The following ALDH5A1 variants were observed in gnomAD, a reference collection of about 807,000 sequenced individuals.
ALDH5A1 encodes the protein aldehyde dehydrogenase 5 family member A1, also known as succinate-semialdehyde dehydrogenase, mitochondrial.
In ALDH5A1, 33 loss-of-function variants were observed where a neutral mutation model predicts 54.7. The ratio of observed to expected loss-of-function variants is 0.60; its 90% CI spans 0.46 to 0.81. The LOEUF (loss-of-function observed/expected upper bound fraction) is 0.81. Among genes scored for constraint, ALDH5A1 ranks in the 30% least tolerant of loss-of-function variants. ALDH5A1 has a pLI of 0.00. For synonymous variants in ALDH5A1, 294 were observed against 292.7 expected, an observed-to-expected ratio of 1.00 and a Z score of -0.05; for missense variants, 657 against 711.0, an observed-to-expected ratio of 0.92 and a Z score of 0.86.
At position 24,526,826 on chromosome 6, in the gene ALDH5A1, A is replaced by AAT. The variant is rs1183234216; in HGVS notation, c.1174-1160_1174-1159dup. Among the ~76,000 whole-genome samples, 67 of 127,752 alleles carry AAT rather than the reference A, an allele frequency of 5.2e-4. 1 individual carries two copies. The highest frequency in any genetic ancestry group is 8.5e-3 in the Middle Eastern group (2 of 236). 83.8% of individuals were successfully genotyped at this position (127,752 alleles called of 152,430 possible). A position where few individuals can be genotyped will look rare whatever the true frequency, so the allele number is the denominator to read the frequency against. Reference sequence around the variant, plus strand: ...TACCAAGTAGGATGAATGAAAAGGGAATATATATATATCTTCTCTATATAT... The same window carrying AAT: ...TACCAAGTAGGATGAATGAAAAGGGAATATATATATATATCTTCTCTATATAT... On this transcript the variant is annotated intron_variant, in intron 7 of 9. Coordinates refer to ENST00000357578, the MANE Select transcript of ALDH5A1 (RefSeq NM_001080.3).
At chr6:24,515,460 C>T (rs12199485) in intron 5 of ALDH5A1, 150 bp downstream of exon 5, 12 of 946,532 alleles carry the variant, frequency 1.3e-5, no homozygotes, top group Non-Finnish European at 1.9e-5. Flanking sequence ...CACGGCGGCT[C>T]ATGCCTGTAA....
Position 24,533,277 on chromosome 6 carries a change from G to C in ALDH5A1, c.1403-230G>C, listed in dbSNP as rs2744601. On this transcript the variant is annotated intron_variant, in intron 9 of 9. Transcript: ENST00000357578. ...AGGTGGATTGAATAGTAGAAAACAG[G>C]AAGAGGGTCTCGATAGGAGATAGTG... 0.13 allele frequency among the ~76,000 whole-genome samples: 19,576 copies of C among 152,142 alleles called. 1,379 individuals are homozygous for C. Among genetic ancestry groups the C allele is most frequent in the Non-Finnish European group, 0.16 (10,709 of 67,980 alleles).
chr6:24,532,559 A>AG (rs1644374319), intron 9 of ALDH5A1, among the ~76,000 whole-genome samples: 1 of 152,222 alleles, frequency 6.6e-6, no homozygotes, highest in South Asian at 2.1e-4. Flanking sequence ...GAAGGGCATC[A>AG]GCAAGGAGTG....
chr6:24,519,063 T>C (rs921145374), intron 5 of ALDH5A1, among the ~76,000 whole-genome samples: 2 of 152,206 alleles, frequency 1.3e-5, no homozygotes, highest in Non-Finnish European at 1.5e-5. Flanking sequence ...ATGTTCATCC[T>C]GACAGAATCA....
intron 6 of ALDH5A1, chr6:24,522,519 C>T: frequency 4.0e-6 from 1 of 251,030 alleles, no homozygotes; most frequent in East Asian, 7.5e-5. Flanking sequence ...GTGCTTATTG[C>T]CAACTAATCA....
intron 1 of ALDH5A1, among the ~76,000 whole-genome samples, chr6:24,496,638 TCATGGAGTCTGAGATGTCTGTTCACGCC>T (rs891903374): frequency 2.0e-5 from 3 of 152,212 alleles, no homozygotes; most frequent in African/African-American, 7.2e-5. Context: ...AATTTTAGAC[TCATGGAGTCTGAGATGTCTGTTCACGCC>T]CAAGTGAGGA....
intron 5 of ALDH5A1, among the ~76,000 whole-genome samples, chr6:24,516,043 G>T (rs1220173505): frequency 6.6e-6 from 1 of 152,112 alleles, no homozygotes; most frequent in African/African-American, 2.4e-5. Flanking sequence ...AAATGGAAAG[G>T]TCTTTTTCTT....
At chr6:24,520,780 T>A (rs1372826195) in intron 6 of ALDH5A1, among the ~76,000 whole-genome samples, 1 of 152,202 alleles carries the variant, frequency 6.6e-6, no homozygotes, top group Non-Finnish European at 1.5e-5. Context: ...TGCCTTACTT[T>A]TTATTACCAG....
At chr6:24,499,992 A>G (rs1050683231) in intron 1 of ALDH5A1, among the ~76,000 whole-genome samples, 2 of 122,282 alleles carry the variant, frequency 1.6e-5, no homozygotes, top group African/African-American at 3.2e-5. Flanking sequence ...GTGTGTGTGT[A>G]GAGACAGATC....
intron 7 of ALDH5A1, among the ~76,000 whole-genome samples, chr6:24,526,953 A>AT (rs1561878555): frequency 3.8e-5 from 4 of 106,034 alleles, no homozygotes; most frequent in African/African-American, 1.6e-4. Flanking sequence ...ATATATATCT[A>AT]ATATATATAT....
intron 1 of ALDH5A1, among the ~76,000 whole-genome samples, chr6:24,497,563 G>GCTAGCTACAGGGTGCTGA (rs1554136011): frequency 1.3e-5 from 2 of 152,130 alleles, no homozygotes; most frequent in Non-Finnish European, 1.5e-5. Context: ...CAATCCTCTT[G>GCTAGCTACAGGGTGCTGA]TAAGACAGAA....
At chr6:24,520,634 G>T in intron 6 of ALDH5A1, 90 bp downstream of exon 6, 1 of 1,296,552 alleles carries the variant, frequency 7.7e-7, no homozygotes, top group Non-Finnish European at 1.1e-6. Context: ...GTGCATGTGA[G>T]TGTGTGTGTG....
chr6:24,509,478 T>C lies in ALDH5A1; in HGVS notation c.726+4493T>C, dbSNP rs1759424266. The stretch of plus-strand genomic sequence containing the variant: ...GTGAATCTGTCTGGTCCTGAACTTT[T>C]TTTGGTTGGTAATTATTTTACTACC... On this transcript the variant is annotated intron_variant, in intron 4 of 9. Transcript: ENST00000357578. The surrounding 1 kb of genome is among the most constrained non-coding windows in gnomAD (Gnocchi z 4.7). 6.6e-6 allele frequency among the ~76,000 whole-genome samples: 1 copy of C among 152,218 alleles called. No homozygotes were observed. Among genetic ancestry groups the C allele is most frequent in the African/African-American group, 2.4e-5 (1 of 41,466 alleles).
Position 24,509,966 on chromosome 6 carries a change from A to T in ALDH5A1, c.726+4981A>T, listed in dbSNP as rs900752719. The stretch of plus-strand genomic sequence containing the variant: ...GGCCATGAACTTGGCTCTTGGCACC[A>T]CCTTTGCTGTATCCCAGAGGTTTTG... On this transcript the variant is annotated intron_variant, in intron 4 of 9. Coordinates refer to ENST00000357578, the MANE Select transcript of ALDH5A1 (RefSeq NM_001080.3). This position sits in a 1 kb window ranked among gnomAD's most constrained non-coding sequence, Gnocchi z 4.7. 1.8e-4 allele frequency among the ~76,000 whole-genome samples: 27 copies of T among 152,072 alleles called. No homozygotes were observed. The highest frequency in any genetic ancestry group is 1.6e-3 in the Admixed American group (25 of 15,256).
intron 4 of ALDH5A1, among the ~76,000 whole-genome samples, chr6:24,511,263 G>T (rs528079454): frequency 6.6e-6 from 1 of 152,024 alleles, no homozygotes; most frequent in African/African-American, 2.4e-5. Flanking sequence ...TCTTTCCTTC[G>T]TCTGAACTTC....
At chr6:24,522,622 C>T in intron 6 of ALDH5A1, 145 bp from the exon 7 acceptor site, 1 of 933,678 alleles carries the variant, frequency 1.1e-6, no homozygotes, top group Non-Finnish European at 1.7e-6. Flanking sequence ...GGGCCAAGCC[C>T]ACGTGAGGAG....
At chr6:24,507,529 G>T (rs1759381245) in intron 4 of ALDH5A1, among the ~76,000 whole-genome samples, 2 of 151,586 alleles carry the variant, frequency 1.3e-5, no homozygotes, top group Admixed American at 6.6e-5. Context: ...TCTTTGTGAT[G>T]ATTGCTTTGA....
rs3765311 is a variant in ALDH5A1 at position 24,503,634 on chromosome 6, G to T, written c.609+201G>T. 0.46 allele frequency among the ~76,000 whole-genome samples: 70,531 copies of T among 152,038 alleles called. 18,162 individuals are homozygous for T. The highest frequency in any genetic ancestry group is 0.6 in the Middle Eastern group (176 of 294). ...TAGGTGTGGTGGCAGTGAGTGGAAT[G>T]ATGCATTTCTAATGCCTGCAAAAGT... On this transcript the variant is annotated intron_variant, in intron 3 of 9. Coordinates refer to ENST00000357578, the MANE Select transcript of ALDH5A1 (RefSeq NM_001080.3).
At position 24,529,088 on chromosome 6, in the gene ALDH5A1, G is replaced by A. The variant is rs558036915; in HGVS notation, c.1343+922G>A. 2.4e-4 allele frequency among the ~76,000 whole-genome samples: 36 copies of A among 152,228 alleles called. 2 individuals carry two copies. The South Asian group carries it at 6.6e-3, about 28-fold the overall frequency. On this transcript the variant is annotated intron_variant, in intron 8 of 9. Coordinates refer to ENST00000357578, the MANE Select transcript of ALDH5A1 (RefSeq NM_001080.3). Reference sequence around the variant, plus strand: ...GTGGTCTTTTATCTCCCATTCACAAGTAGATAATAATTTACCTGGATAAAA... The same window carrying A: ...GTGGTCTTTTATCTCCCATTCACAAATAGATAATAATTTACCTGGATAAAA...
Sources: gnomAD v4.1 joint callset for allele counts (sites outside exome capture counted in the v4.1 genomes callset) on GRCh38, gnomAD v4.1.1 for gene constraint, Gnocchi (gnomAD v3.1) non-coding constraint, MANE v1.5 for transcripts, NCBI Gene and HGNC (gene_info 2026-07-23, HGNC 2026-07-21) for gene names.